The following NCOR1 variants were observed in gnomAD, a reference collection of about 807,000 sequenced individuals.
NCOR1 encodes protein phosphatase 1, regulatory subunit 109.
A neutral mutation model predicts 288.1 loss-of-function variants in NCOR1; 63 were observed. That is an observed-to-expected ratio of 0.22 (90% CI 0.18 to 0.27). NCOR1 has a LOEUF of 0.27. Ranked by LOEUF, NCOR1 falls within the 10% of genes least tolerant of loss-of-function variation. The pLI is 1.00. For missense variants in NCOR1, 2,397 were observed against 3,019.2 expected (o/e 0.79, Z 4.83); for synonymous variants, 1,007 against 1,065.9 (o/e 0.94, Z 1.08).
chr17:16,106,877 ATATATATTTTTTT>A (rs1258402990), intron 19 of NCOR1, among the ~76,000 whole-genome samples: 5 of 55,408 alleles, frequency 9.0e-5, no homozygotes, highest in African/African-American at 4.6e-4. Flanking sequence ...ATATATATAT[ATATATATTTTTTT>A]TTTTTTTTTT....
intron 21 of NCOR1, among the ~76,000 whole-genome samples, chr17:16,096,301 A>AT (rs1230436075): frequency 2.6e-5 from 4 of 152,268 alleles, no homozygotes; most frequent in Middle Eastern, 3.4e-3. Context: ...AGAATGATCA[A>AT]TAAAAAAAAA....
intron 42 of NCOR1, 112 bp from the exon 43 acceptor site, chr17:16,040,606 A>C: frequency 4.0e-5 from 38 of 940,858 alleles, no homozygotes; most frequent in East Asian, 5.3e-5. Flanking sequence ...TCATGATCTC[A>C]ACCTTTATTT....
intron 2 of NCOR1, among the ~76,000 whole-genome samples, chr17:16,191,427 G>C (rs2088255853): frequency 6.6e-6 from 1 of 151,914 alleles, no homozygotes; most frequent in Non-Finnish European, 1.5e-5. Context: ...TATAACAAAG[G>C]CCAGCAGTAA....
At chr17:16,211,264 T>G (rs1600652738) in intron 1 of NCOR1, among the ~76,000 whole-genome samples, 1 of 44,108 alleles carries the variant, frequency 2.3e-5, no homozygotes. Flanking sequence ...TTTTTATTTA[T>G]TTTTTTTTTT....
intron 42 of NCOR1, chr17:16,044,370 G>A (rs1284681774): frequency 2.1e-6 from 1 of 470,744 alleles, no homozygotes; most frequent in African/African-American, 2.0e-5. Flanking sequence ...TTAATCACAA[G>A]AGTGACACAG....
At chr17:16,178,262 G>A (rs1464788497) in intron 3 of NCOR1, among the ~76,000 whole-genome samples, 1 of 151,826 alleles carries the variant, frequency 6.6e-6, no homozygotes, top group African/African-American at 2.4e-5. Context: ...CACTTTGGGA[G>A]GCTGAGGCAG....
intron 2 of NCOR1, among the ~76,000 whole-genome samples, chr17:16,190,427 C>T (rs112659271): frequency 2.0e-5 from 3 of 151,970 alleles, no homozygotes; most frequent in South Asian, 2.1e-4. Context: ...CTCCGCCTCC[C>T]GGGTTCACGC....
chr17:16,094,933 C>T (rs1300055801), intron 21 of NCOR1, among the ~76,000 whole-genome samples: 3 of 152,162 alleles, frequency 2.0e-5, no homozygotes, highest in South Asian at 2.1e-4. Flanking sequence ...ACCTCCCAGC[C>T]GCCTGCCTTG....
Position 16,179,790 on chromosome 17 carries a change from C to T in NCOR1, c.242+6764G>A, listed in dbSNP as rs1016612363. On this transcript the variant is annotated intron_variant, in intron 3 of 45. Coordinates refer to ENST00000268712, the MANE Select transcript of NCOR1 (RefSeq NM_006311.4). ...CAGCACTTTGGGAGGCCCAGGCGGG[C>T]GGATCACGAGGTCAGGAGATCGAGA... 5.9e-5 allele frequency among the ~76,000 whole-genome samples: 9 copies of T among 151,866 alleles called. No homozygotes were observed. The East Asian group carries it at 1.4e-3, about 23-fold the overall frequency.
intron 44 of NCOR1, among the ~76,000 whole-genome samples, chr17:16,035,576 C>T (rs1293785351): frequency 5.4e-5 from 8 of 149,172 alleles, no homozygotes; most frequent in African/African-American, 2.0e-4. Flanking sequence ...ACCTCTGCTG[C>T]CCAGGCTGCA....
intron 3 of NCOR1, among the ~76,000 whole-genome samples, chr17:16,179,957 C>CAAAAAAAAA: frequency 1.3e-5 from 1 of 75,616 alleles, no homozygotes; most frequent in Non-Finnish European, 2.4e-5. Flanking sequence ...GACTCTGTCT[C>CAAAAAAAAA]AAAAAAAAAA....
chr17:16,200,148 T>C (rs1319734785), intron 1 of NCOR1, among the ~76,000 whole-genome samples: 1 of 151,928 alleles, frequency 6.6e-6, no homozygotes, highest in Non-Finnish European at 1.5e-5. Context: ...ATAACCAAAA[T>C]GTGTTATGCA....
chr17:16,103,781 C>T (rs144822654), intron 19 of NCOR1, among the ~76,000 whole-genome samples: 1 of 152,060 alleles, frequency 6.6e-6, no homozygotes, highest in Non-Finnish European at 1.5e-5. Context: ...TTTGGGAGGC[C>T]GAGGTGGATG....
chr17:16,115,645 A>G (rs2071423768), intron 18 of NCOR1, among the ~76,000 whole-genome samples: 1 of 152,184 alleles, frequency 6.6e-6, no homozygotes, highest in African/African-American at 2.4e-5. Context: ...TCTTTGCTAA[A>G]ACATAAGAAG....
At chr17:16,157,699 T>C (rs905449360) in intron 6 of NCOR1, among the ~76,000 whole-genome samples, 2 of 150,814 alleles carry the variant, frequency 1.3e-5, no homozygotes, top group Admixed American at 1.3e-4. Flanking sequence ...CCCTATTCTA[T>C]CCCACAGTAT....
chr17:16,194,176 A>G (rs1197783241), intron 2 of NCOR1, among the ~76,000 whole-genome samples: 2 of 152,166 alleles, frequency 1.3e-5, no homozygotes, highest in Non-Finnish European at 2.9e-5. Context: ...GAGTATAAAT[A>G]TAGGTCTTAC....
intron 45 of NCOR1, among the ~76,000 whole-genome samples, chr17:16,034,526 T>TGA (rs1387371346): frequency 6.6e-6 from 1 of 152,168 alleles, no homozygotes; most frequent in Non-Finnish European, 1.5e-5. Context: ...GAGGATCACC[T>TGA]GAGCCTCAGA....
chr17:16,110,530 T>C (rs1011791263), intron 18 of NCOR1, among the ~76,000 whole-genome samples: 1 of 152,244 alleles, frequency 6.6e-6, no homozygotes, highest in Non-Finnish European at 1.5e-5. Context: ...ATTTACATTA[T>C]ATTTATAACT....
At chr17:16,145,627 C>T (rs1325371330) in intron 10 of NCOR1, among the ~76,000 whole-genome samples, 1 of 151,964 alleles carries the variant, frequency 6.6e-6, no homozygotes, top group African/African-American at 2.4e-5. Flanking sequence ...GCCCGGCAGC[C>T]GCCCCGTCTG....
Sources: gnomAD v4.1 joint callset for allele counts (sites outside exome capture counted in the v4.1 genomes callset) on GRCh38, gnomAD v4.1.1 for gene constraint, MANE v1.5 for transcripts, NCBI Gene and HGNC (gene_info 2026-07-23, HGNC 2026-07-21) for gene names.